The following DPP10 variants were observed in gnomAD, a reference collection of about 807,000 sequenced individuals.
DPP10 encodes inactive dipeptidyl peptidase 10.
A neutral mutation model predicts 120.9 loss-of-function variants in DPP10; 33 were observed. The observed-to-expected ratio is 0.27, with a 90% confidence interval of 0.21 to 0.37. DPP10 has a LOEUF of 0.37. DPP10 is among the 10% of genes least tolerant of loss of function. DPP10 has a pLI of 1.00. For synonymous variants in DPP10, 337 were observed against 326.1 expected, an observed-to-expected ratio of 1.03 and a Z score of -0.36; for missense variants, 816 against 942.8, an observed-to-expected ratio of 0.87 and a Z score of 1.76.
intron 1 of DPP10, among the ~76,000 whole-genome samples, chr2:114,497,215 G>GTGTGTATGCATGTACGTGCGTATACA (rs1391409256): frequency 1.3e-5 from 2 of 148,994 alleles, no homozygotes; most frequent in Non-Finnish European, 3.0e-5. Context: ...GTACATATAC[G>GTGTGTATGCATGTACGTGCGTATACA]TGTGTATGCA....
chr2:114,856,916 T>A (rs1689413100), intron 1 of DPP10, among the ~76,000 whole-genome samples: 1 of 152,212 alleles, frequency 6.6e-6, no homozygotes. Flanking sequence ...TTTTTGAATG[T>A]TTCATGCCTG....
At chr2:114,809,734 C>G (rs575833387) in intron 1 of DPP10, among the ~76,000 whole-genome samples, 1 of 152,260 alleles carries the variant, frequency 6.6e-6, no homozygotes, top group South Asian at 2.1e-4. Context: ...GACTCTTTAC[C>G]TGCATACGGC....
chr2:115,817,293 C>T (rs970132871), intron 21 of DPP10, among the ~76,000 whole-genome samples: 1 of 152,028 alleles, frequency 6.6e-6, no homozygotes, highest in Non-Finnish European at 1.5e-5. Flanking sequence ...GGACCTTGAA[C>T]TATTTTAGTT....
chr2:115,494,966 G>A (rs149791169), intron 3 of DPP10, among the ~76,000 whole-genome samples: 1 of 152,162 alleles, frequency 6.6e-6, no homozygotes, highest in East Asian at 1.9e-4. Context: ...CCGTTAGCAA[G>A]ACCAACAGAA....
intron 5 of DPP10, among the ~76,000 whole-genome samples, chr2:115,678,298 A>C (rs1457376859): frequency 1.3e-5 from 2 of 152,190 alleles, no homozygotes; most frequent in African/African-American, 2.4e-5. Context: ...AAATGGTTTC[A>C]TGGGCCAGGC....
chr2:114,559,908 A>G (rs1243427757), intron 1 of DPP10, among the ~76,000 whole-genome samples: 12 of 151,738 alleles, frequency 7.9e-5, no homozygotes, highest in Non-Finnish European at 1.8e-4. Context: ...AAAAAAAAAA[A>G]AAAACAAAGG....
At chr2:115,100,284 A>G (rs1046573164) in intron 1 of DPP10, among the ~76,000 whole-genome samples, 1 of 152,078 alleles carries the variant, frequency 6.6e-6, no homozygotes, top group Non-Finnish European at 1.5e-5. Flanking sequence ...TGTCTCTATA[A>G]ACACCCTTAA....
At chr2:115,519,507 A>G (rs2077683470) in intron 4 of DPP10, among the ~76,000 whole-genome samples, 1 of 150,966 alleles carries the variant, frequency 6.6e-6, no homozygotes, top group Non-Finnish European at 1.5e-5. Context: ...CATGATCATA[A>G]TTAATTAGTC....
chr2:115,260,957 A>G (rs569160152), intron 1 of DPP10, among the ~76,000 whole-genome samples: 1 of 152,348 alleles, frequency 6.6e-6, no homozygotes, highest in African/African-American at 2.4e-5. Context: ...AACTGTGTCA[A>G]AACCATAATT....
At chr2:114,465,419 C>T (rs540096308) in intron 1 of DPP10, among the ~76,000 whole-genome samples, 44 of 152,102 alleles carry the variant, frequency 2.9e-4, no homozygotes, top group Admixed American at 7.2e-4. Context: ...TATGCCTTTT[C>T]GAGGAGCTTT....
chr2:114,905,098 G>A (rs1240480983), intron 1 of DPP10, among the ~76,000 whole-genome samples: 1 of 152,082 alleles, frequency 6.6e-6, no homozygotes, highest in Non-Finnish European at 1.5e-5. Context: ...TATAAATTGT[G>A]TTTGCTGACT....
chr2:115,753,412 T>C lies in DPP10; in HGVS notation c.1074+115T>C, dbSNP rs1346937699. 3 of 969,018 alleles carry C rather than the reference T, an allele frequency of 3.1e-6. No homozygotes were observed. In the Admixed American group the frequency reaches 1.0e-4, roughly 32 times the overall value. 60.0% of individuals were successfully genotyped at this position (969,018 alleles called of 1,614,324 possible). A position where few individuals can be genotyped will look rare whatever the true frequency, so the allele number is the denominator to read the frequency against. On this transcript the variant is annotated intron_variant, in intron 11 of 25. Coordinates refer to ENST00000410059, the MANE Select transcript of DPP10 (RefSeq NM_020868.6). ...AAATTCAGTGTTTAACTTTTAAAACTAATAGGAAAAGAATTATTCTATTAA... is the reference window on the plus strand; with the variant it reads ...AAATTCAGTGTTTAACTTTTAAAACCAATAGGAAAAGAATTATTCTATTAA...
chr2:114,879,782 T>A (rs1182868031), intron 1 of DPP10, among the ~76,000 whole-genome samples: 13 of 152,114 alleles, frequency 8.5e-5, no homozygotes, highest in South Asian at 6.2e-4. Flanking sequence ...TTATGTAAAA[T>A]GCTGTGGAAG....
At chr2:115,337,992 C>A (rs2063246560) in intron 2 of DPP10, among the ~76,000 whole-genome samples, 1 of 151,898 alleles carries the variant, frequency 6.6e-6, no homozygotes. Context: ...ATTTGAATTG[C>A]TTTGAAGGGT....
Position 115,842,235 on chromosome 2 carries a change from G to A in DPP10, c.2281G>A (p.Val761Ile), listed in dbSNP as rs770644246. The change falls in exon 26 of 26, where the codon GTA becomes ATA. Residue 761 changes from valine to isoleucine, a missense_variant. This residue lies in a region of DPP10 where 592 missense variants were observed against 649.0 expected (regional missense o/e 0.91). Coordinates refer to ENST00000410059, the MANE Select transcript of DPP10 (RefSeq NM_020868.6). ...GGTCTACCCAGATGAAGGTCATAAC[G>A]TATCTGAGAAGAGCAAGTATCATCT... is the stretch of plus-strand genomic sequence containing the variant. Reference protein sequence around the residue: ...MQVYPDEGHNVSEKSKYHLYS... With the variant: ...MQVYPDEGHNISEKSKYHLYS... 5.6e-6 allele frequency: 9 copies of A among 1,613,098 alleles called. No individual in the cohort carries two copies. Among genetic ancestry groups the A allele is most frequent in the African/African-American group, 2.7e-5 (2 of 75,006 alleles).
At chr2:114,902,427 T>A (rs991276650) in intron 1 of DPP10, among the ~76,000 whole-genome samples, 5 of 152,216 alleles carry the variant, frequency 3.3e-5, no homozygotes, top group Middle Eastern at 3.2e-3. Flanking sequence ...CGTTCAGTTG[T>A]CTGTTTTCCA....
intron 11 of DPP10, among the ~76,000 whole-genome samples, chr2:115,755,597 G>A (rs1310809166): frequency 6.6e-6 from 1 of 152,028 alleles, no homozygotes; most frequent in Admixed American, 6.6e-5. Flanking sequence ...AAGGACATTG[G>A]TCTAGGCAAA....
chr2:114,520,677 G>A (rs74902403), intron 1 of DPP10, among the ~76,000 whole-genome samples: 14,726 of 152,210 alleles, frequency 0.097, 776 homozygotes, highest in South Asian at 0.2. Flanking sequence ...CTCCATGACA[G>A]CATGCCTAAA....
At chr2:115,159,265 C>A (rs10469804) in intron 1 of DPP10, among the ~76,000 whole-genome samples, 1 of 151,992 alleles carries the variant, frequency 6.6e-6, no homozygotes. Flanking sequence ...GAGACAATGC[C>A]GGCTAACACG....
Sources: allele counts gnomAD v4.1 joint callset (sites outside exome capture counted in the v4.1 genomes callset), GRCh38; gene constraint gnomAD v4.1.1; regional missense constraint gnomAD v4.1.1; transcripts MANE v1.5; gene names NCBI Gene and HGNC (gene_info 2026-07-23, HGNC 2026-07-21).